PRKCA: variants seen among roughly 807,000 people sequenced by gnomAD.
PRKCA encodes protein kinase C alpha.
Under a neutral mutation model 87.0 loss-of-function variants are expected in PRKCA, and 27 were observed. The observed-to-expected ratio is 0.31, with a 90% CI of 0.23 to 0.43. The LOEUF is 0.43. Ranked by LOEUF, PRKCA falls within the 20% of genes least tolerant of loss-of-function variation. The pLI, the probability that PRKCA is intolerant of heterozygous loss-of-function variation, is 1.00. For synonymous variants in PRKCA, 329 were observed against 311.1 expected, an observed-to-expected ratio of 1.06 and a Z score of -0.61; for missense variants, 518 against 852.3, an observed-to-expected ratio of 0.61 and a Z score of 4.88.
intron 5 of PRKCA, among the ~76,000 whole-genome samples, chr17:66,679,636 A>G (rs1189185011): frequency 6.6e-6 from 1 of 152,178 alleles, no homozygotes. Flanking sequence ...ATGTGTGTTC[A>G]CTTTTCCCTC....
intron 2 of PRKCA, chr17:66,415,815 C>G (rs1912110243): frequency 1.3e-5 from 2 of 152,154 alleles, no homozygotes; most frequent in African/African-American, 4.8e-5. Context: ...ACAGTGCCTG[C>G]TCAAACTTGT....
intron 2 of PRKCA, among the ~76,000 whole-genome samples, chr17:66,310,307 C>G (rs925985969): frequency 6.6e-6 from 1 of 151,656 alleles, no homozygotes; most frequent in Non-Finnish European, 1.5e-5. Context: ...CAAGAGACAG[C>G]GTGAGAATTA....
rs1027151701 is a variant in PRKCA, at chr17:66,803,692, CGTT to C, written c.1855-175_1855-173del. Among the ~76,000 whole-genome samples, 15 of 152,254 alleles carry C rather than the reference CGTT, an allele frequency of 9.9e-5. No homozygotes were observed. Among genetic ancestry groups the C allele is most frequent in the South Asian group, 2.1e-4 (1 of 4,820 alleles). ...TTTCAGGGTTTACAGTTGGGTAACTCGTTGTTGTCTGCTGTGCCTGGCTTTTCA... is the reference window on the plus strand; with the variant it reads ...TTTCAGGGTTTACAGTTGGGTAACTCGTTGTCTGCTGTGCCTGGCTTTTCA... On this transcript the variant is annotated intron_variant, in intron 16 of 16. Coordinates refer to ENST00000413366, the MANE Select transcript of PRKCA (RefSeq NM_002737.3). This position sits in a 1 kb window ranked among gnomAD's most constrained non-coding sequence, Gnocchi z 4.4.
chr17:66,751,847 T>G (rs1183806942), intron 13 of PRKCA, among the ~76,000 whole-genome samples: 2 of 152,176 alleles, frequency 1.3e-5, no homozygotes, highest in African/African-American at 4.8e-5. Flanking sequence ...CAGGCACATC[T>G]TCCATAGCCA....
chr17:66,763,504 T>G (rs1262504584), intron 13 of PRKCA, among the ~76,000 whole-genome samples: 1 of 152,222 alleles, frequency 6.6e-6, no homozygotes, highest in Non-Finnish European at 1.5e-5. Flanking sequence ...TTGACCATGT[T>G]ACATGTAAAG....
chr17:66,347,846 C>T (rs1907485860), intron 2 of PRKCA, among the ~76,000 whole-genome samples: 1 of 150,924 alleles, frequency 6.6e-6, no homozygotes, highest in South Asian at 2.1e-4. Context: ...AGTGGTGTTT[C>T]ATGGAGAGAG....
chr17:66,503,204 G>A (rs1304357608), intron 3 of PRKCA, among the ~76,000 whole-genome samples: 2 of 152,144 alleles, frequency 1.3e-5, no homozygotes, highest in African/African-American at 2.4e-5. Flanking sequence ...GAGCCATTAT[G>A]TTTTTATTTG....
chr17:66,718,086 G>A (rs1453560033), intron 8 of PRKCA, among the ~76,000 whole-genome samples: 1 of 152,176 alleles, frequency 6.6e-6, no homozygotes, highest in Non-Finnish European at 1.5e-5. Flanking sequence ...ATACAAATTA[G>A]CTCCCCTTCT....
chr17:66,385,683 G>A (rs1208519955), intron 2 of PRKCA, among the ~76,000 whole-genome samples: 1 of 152,172 alleles, frequency 6.6e-6, no homozygotes, highest in Non-Finnish European at 1.5e-5. Context: ...CCAACACAGC[G>A]AGACTCTTCC....
chr17:66,455,073 A>G lies in PRKCA; in HGVS notation c.206-41128A>G, dbSNP rs76631931. Among the ~76,000 whole-genome samples the G allele has an allele frequency of 2.6e-3, 399 of 152,306 alleles. 2 individuals are homozygous for G. The highest frequency in any genetic ancestry group is 4.3e-3 in the Non-Finnish European group (293 of 68,032). ...GGAGGGAACTGTGGTCGACGCAGCT[A>G]TAGGTCTGGACTTATTTTTCCCAGA... On this transcript the variant is annotated intron_variant, in intron 2 of 16. Transcript: ENST00000413366.
At chr17:66,527,526 C>T (rs1005568715) in intron 3 of PRKCA, among the ~76,000 whole-genome samples, 2 of 152,158 alleles carry the variant, frequency 1.3e-5, no homozygotes, top group African/African-American at 2.4e-5. Context: ...GAAAGACAAT[C>T]TGATTGTGTT....
At chr17:66,537,044 G>C (rs1190083992) in intron 3 of PRKCA, among the ~76,000 whole-genome samples, 1 of 152,114 alleles carries the variant, frequency 6.6e-6, no homozygotes, top group Non-Finnish European at 1.5e-5. Flanking sequence ...CTGGGCTCTA[G>C]TTCTTCCTTG....
chr17:66,735,366 T>G, intron 9 of PRKCA, 123 bp from the exon 10 acceptor site: 1 of 993,080 alleles, frequency 1.0e-6, no homozygotes. Context: ...TTTAATATTT[T>G]TATGTTCCAC....
intron 2 of PRKCA, among the ~76,000 whole-genome samples, chr17:66,485,986 A>G (rs1452024143): frequency 6.6e-6 from 1 of 152,220 alleles, no homozygotes; most frequent in Admixed American, 6.5e-5. Flanking sequence ...GAAACCTGAC[A>G]TGCACACTGG....
chr17:66,349,367 C>T (rs1433611108), intron 2 of PRKCA, among the ~76,000 whole-genome samples: 1 of 152,138 alleles, frequency 6.6e-6, no homozygotes, highest in Non-Finnish European at 1.5e-5. Context: ...CCCTGCTACC[C>T]CCCGCATTTG....
chr17:66,775,742 T>C (rs1374906825), intron 14 of PRKCA: 2 of 985,320 alleles, frequency 2.0e-6, no homozygotes, highest in African/African-American at 3.5e-5. Context: ...GACTCATTTA[T>C]TCATTCACTC....
intron 5 of PRKCA, among the ~76,000 whole-genome samples, chr17:66,683,612 G>A (rs1251389612): frequency 6.6e-6 from 1 of 151,830 alleles, no homozygotes; most frequent in African/African-American, 2.4e-5. Context: ...TTTTGGGGGG[G>A]TCGGGGGGAT....
chr17:66,724,304 A>T (rs1162171081), intron 8 of PRKCA, among the ~76,000 whole-genome samples: 1 of 151,910 alleles, frequency 6.6e-6, no homozygotes, highest in Non-Finnish European at 1.5e-5. Context: ...TCAAAAAAAA[A>T]AAAAGAACTG....
chr17:66,739,746 G>A (rs1462776065), intron 11 of PRKCA, among the ~76,000 whole-genome samples: 1 of 151,778 alleles, frequency 6.6e-6, no homozygotes, highest in Admixed American at 6.6e-5. Context: ...GGGAGATGCT[G>A]TGAGATTATT....
Sources: gnomAD v4.1 joint callset for allele counts (sites outside exome capture counted in the v4.1 genomes callset) on GRCh38, gnomAD v4.1.1 for gene constraint, Gnocchi (gnomAD v3.1) non-coding constraint, MANE v1.5 for transcripts, NCBI Gene and HGNC (gene_info 2026-07-23, HGNC 2026-07-21) for gene names.